Variants in DCC observed in about 807,000 individuals in gnomAD.
DCC encodes the protein DCC netrin 1 receptor, also known as netrin receptor DCC.
In DCC, 58 loss-of-function variants were observed where a neutral mutation model predicts 172.5. The observed-to-expected ratio is 0.34, with a 90% CI of 0.27 to 0.42. The LOEUF (loss-of-function observed/expected upper bound fraction) is 0.42. Among genes scored for constraint, DCC ranks in the 10% least tolerant of loss-of-function variants. DCC has a pLI of 1.00. For synonymous variants in DCC, 709 were observed against 644.5 expected, an observed-to-expected ratio of 1.10 and a Z score of -1.52; for missense variants, 1,740 against 1,791.0, an observed-to-expected ratio of 0.97 and a Z score of 0.51.
chr18:52,439,174 T>TTGTGTGTG (rs60983168), intron 1 of DCC, among the ~76,000 whole-genome samples: 10,738 of 144,612 alleles, frequency 0.074, 590 homozygotes, highest in African/African-American at 0.14. Flanking sequence ...AAGATATGTT[T>TTGTGTGTG]TGTGTGTGTG....
At chr18:52,915,473 C>A (rs892835669) in intron 3 of DCC, among the ~76,000 whole-genome samples, 5 of 152,134 alleles carry the variant, frequency 3.3e-5, no homozygotes, top group Non-Finnish European at 7.4e-5. Flanking sequence ...TTAATTTGAC[C>A]ATTGTAATGT....
At chr18:53,179,806 C>G (rs1404784938) in intron 9 of DCC, among the ~76,000 whole-genome samples, 2 of 152,120 alleles carry the variant, frequency 1.3e-5, no homozygotes, top group African/African-American at 4.8e-5. Context: ...TTGTGCATTT[C>G]TAATGTTTTT....
intron 27 of DCC, 88 bp from the exon 28 acceptor site, chr18:53,526,529 C>A: frequency 7.3e-7 from 1 of 1,371,132 alleles, no homozygotes; most frequent in Non-Finnish European, 1.0e-6. Flanking sequence ...AAATCAATGC[C>A]AATCTCCTGG....
At position 52,906,080 on chromosome 18, in the gene DCC, C is replaced by A. The variant is rs773261621; in HGVS notation, c.449C>A (p.Thr150Lys). 6.2e-7 allele frequency: 1 copy of A among 1,612,920 alleles called. No individual in the cohort carries two copies. The highest frequency in any genetic ancestry group is 8.5e-7 in the Non-Finnish European group (1 of 1,178,890). Residue 150 changes from threonine to lysine, a missense_variant, in exon 3 of 29, where the codon ACA becomes AAA. Transcript: ENST00000442544. ...LRFLSQTESV[T>K]AFMGDTVLLK... ...TTCCTTTCACAGACAGAATCTGTCA[C>A]AGCCTTCATGGGAGACACAGTGCTA...
chr18:52,913,497 GTTTT>G (rs957882975), intron 3 of DCC, among the ~76,000 whole-genome samples: 1 of 151,026 alleles, frequency 6.6e-6, no homozygotes, highest in Non-Finnish European at 1.5e-5. Flanking sequence ...AAATCAACCA[GTTTT>G]TTTTTCTATT....
At chr18:53,220,839 G>C (rs1476980013) in intron 12 of DCC, among the ~76,000 whole-genome samples, 1 of 151,936 alleles carries the variant, frequency 6.6e-6, no homozygotes, top group Non-Finnish European at 1.5e-5. Flanking sequence ...ATAATGTCCA[G>C]GGGCCTATGA....
At chr18:53,194,017 T>C (rs1328487071) in intron 9 of DCC, among the ~76,000 whole-genome samples, 2 of 152,208 alleles carry the variant, frequency 1.3e-5, no homozygotes. Context: ...ATATTGATTG[T>C]TCCCATATTG....
intron 2 of DCC, among the ~76,000 whole-genome samples, chr18:52,870,128 C>T (rs2145380458): frequency 6.6e-6 from 1 of 152,316 alleles, no homozygotes; most frequent in South Asian, 2.1e-4. Context: ...GGGGCTCCCA[C>T]TGGCTCCGGG....
rs561306232 is a variant in DCC, at chr18:52,894,453, AT to A, written c.413-11586del. On this transcript the variant is annotated intron_variant, in intron 2 of 28. Transcript: ENST00000442544. The stretch of plus-strand genomic sequence containing the variant: ...CACAATATAAGTATGTATTTATATT[AT>A]TTTTATATATTAATATATGTTTATG... 2.0e-5 allele frequency among the ~76,000 whole-genome samples: 3 copies of A among 150,080 alleles called. No homozygotes were observed. The South Asian group carries it at 6.3e-4, about 31-fold the overall frequency.
intron 1 of DCC, among the ~76,000 whole-genome samples, chr18:52,611,924 A>C (rs1262570019): frequency 6.6e-6 from 1 of 152,212 alleles, no homozygotes; most frequent in East Asian, 1.9e-4. Context: ...AGAAACACAA[A>C]AACTTTGGCA....
intron 2 of DCC, among the ~76,000 whole-genome samples, chr18:52,813,609 C>T (rs147625026): frequency 6.6e-6 from 1 of 152,270 alleles, no homozygotes; most frequent in East Asian, 1.9e-4. Flanking sequence ...TTGACTGGTA[C>T]ACAGTGTGCC....
At chr18:52,849,270 C>T (rs763820683) in intron 2 of DCC, among the ~76,000 whole-genome samples, 110 of 152,108 alleles carry the variant, frequency 7.2e-4, no homozygotes, top group Admixed American at 1.6e-3. Flanking sequence ...TTCCATCTGC[C>T]CTAGGTCATG....
intron 2 of DCC, among the ~76,000 whole-genome samples, chr18:52,868,837 A>T (rs146381377): frequency 6.6e-6 from 1 of 152,330 alleles, no homozygotes; most frequent in Non-Finnish European, 1.5e-5. Flanking sequence ...GGGTCCAGCC[A>T]CTGCACACAG....
chr18:53,143,468 C>T (rs958947601), intron 7 of DCC, among the ~76,000 whole-genome samples: 5 of 152,224 alleles, frequency 3.3e-5, no homozygotes, highest in African/African-American at 1.2e-4. Context: ...GACACCAGAA[C>T]AGATAGTTTA....
intron 1 of DCC, among the ~76,000 whole-genome samples, chr18:52,479,048 A>G (rs1989176768): frequency 6.6e-6 from 1 of 152,164 alleles, no homozygotes; most frequent in African/African-American, 2.4e-5. Context: ...CCTGAGAGGT[A>G]TTATCTTTGG....
rs1324869768 is a variant in DCC, at chr18:53,086,121, C to G, written c.1261+19955C>G. Among the ~76,000 whole-genome samples the G allele has an allele frequency of 2.7e-4, 5 of 18,504 alleles. 2 individuals carry two copies. The highest frequency in any genetic ancestry group is 4.9e-4 in the Non-Finnish European group (5 of 10,290). The allele number at this position is 18,504 out of a possible 152,430, so 12.1% of individuals were successfully genotyped here. The stretch of plus-strand genomic sequence containing the variant: ...CCTCCTCCTCCTCCTCCTCCTCCTC[C>G]TCCTCCTCCTCCTCCTCCTCCTCCT... On this transcript the variant is annotated intron_variant, in intron 7 of 28. Transcript: ENST00000442544.
At chr18:52,510,140 A>G (rs1026079368) in intron 1 of DCC, among the ~76,000 whole-genome samples, 1 of 150,590 alleles carries the variant, frequency 6.6e-6, no homozygotes, top group Non-Finnish European at 1.5e-5. Flanking sequence ...AAAAAAGTCT[A>G]GTTAGCATGA....
chr18:52,925,175 G>T, intron 4 of DCC, 59 bp from the exon 5 acceptor site: 3 of 1,528,956 alleles, frequency 2.0e-6, no homozygotes, highest in Non-Finnish European at 2.7e-6. Flanking sequence ...AAAGCTCTGA[G>T]TATCTTGCTT....
chr18:53,279,647 TAA>T (rs34872786), intron 12 of DCC, among the ~76,000 whole-genome samples: 11,460 of 139,220 alleles, frequency 0.082, 660 homozygotes, highest in African/African-American at 0.17. Context: ...TAAAGTATAA[TAA>T]AAAAAAAAAA....
Sources: allele counts gnomAD v4.1 joint callset (sites outside exome capture counted in the v4.1 genomes callset), GRCh38; gene constraint gnomAD v4.1.1; transcripts MANE v1.5; gene names NCBI Gene and HGNC (gene_info 2026-07-23, HGNC 2026-07-21).